Variants in LAMA3 observed in about 807,000 individuals in gnomAD.
The protein encoded by LAMA3 is laminin subunit alpha 3.
In LAMA3, 281 loss-of-function variants were observed where a neutral mutation model predicts 402.0. The ratio of observed to expected loss-of-function variants is 0.70; its 90% CI spans 0.63 to 0.77. The LOEUF is 0.77. LAMA3 is among the 30% of genes least tolerant of loss of function. The pLI, the probability that LAMA3 is intolerant of heterozygous loss-of-function variation, is 0.00. For synonymous variants in LAMA3, 1,431 were observed against 1,558.4 expected, an observed-to-expected ratio of 0.92 and a Z score of 1.93; for missense variants, 3,840 against 4,215.5, an observed-to-expected ratio of 0.91 and a Z score of 2.47.
At chr18:23,840,648 G>C (rs1462336761) in intron 27 of LAMA3, among the ~76,000 whole-genome samples, 1 of 151,924 alleles carries the variant, frequency 6.6e-6, no homozygotes, top group African/African-American at 2.4e-5. Flanking sequence ...CACCTTGCAG[G>C]TAGGAAATTA....
chr18:23,914,604 T>C, intron 57 of LAMA3, 43 bp downstream of exon 57: 1 of 1,611,758 alleles, frequency 6.2e-7, no homozygotes, highest in South Asian at 1.1e-5. Flanking sequence ...CAAACTTCCA[T>C]GTATACATGT....
intron 23 of LAMA3, among the ~76,000 whole-genome samples, chr18:23,832,371 T>C (rs985166108): frequency 6.6e-6 from 1 of 152,048 alleles, no homozygotes; most frequent in Non-Finnish European, 1.5e-5. Context: ...GAAATCTTTC[T>C]GTCATTTAAG....
In LAMA3 at chr18:23,690,085, G is replaced by A. The variant is rs556721212; in HGVS notation, c.294+108G>A. On this transcript the variant is annotated intron_variant, in intron 1 of 74. Coordinates refer to ENST00000313654, the MANE Select transcript of LAMA3 (RefSeq NM_198129.4). Reference sequence around the variant, plus strand: ...TTCCTCACGCGCGCTAGTGGCTCCGGGCGACTGGGAAGGGCAGCCCCCATC... The same window carrying A: ...TTCCTCACGCGCGCTAGTGGCTCCGAGCGACTGGGAAGGGCAGCCCCCATC... 3.8e-5 allele frequency: 35 copies of A among 912,948 alleles called. No homozygotes were observed. In the African/African-American group the frequency reaches 4.6e-4, roughly 12 times the overall value. 56.6% of individuals were successfully genotyped at this position (912,948 alleles called of 1,614,324 possible). A position where few individuals can be genotyped will look rare whatever the true frequency, so the allele number is the denominator to read the frequency against.
At position 23,904,638 on chromosome 18, in the gene LAMA3, A is replaced by G. The variant is rs1395025718; in HGVS notation, c.6559A>G (p.Lys2187Glu). Residue 2187 changes from lysine (K) to glutamate (E), a missense_variant, in exon 51 of 75, where the codon AAA becomes GAA. Coordinates refer to ENST00000313654, the MANE Select transcript of LAMA3 (RefSeq NM_198129.4). The part of the protein sequence containing the change: ...TAYENILNAI[K>E]AAEDAANRAA... ...CTACGAGAACATCCTCAATGCCATC[A>G]AAGCGGCCGAGGACGCAGCCAACAG... 1.2e-6 allele frequency: 2 copies of G among 1,613,850 alleles called. No individual in the cohort carries two copies. Among genetic ancestry groups the G allele is most frequent in the Non-Finnish European group, 8.5e-7 (1 of 1,179,990 alleles).
Position 23,951,182 on chromosome 18 carries a change from C to T in LAMA3, c.9643-502C>T, listed in dbSNP as rs148105327. Among the ~76,000 whole-genome samples, 60 of 152,326 alleles carry T rather than the reference C, an allele frequency of 3.9e-4. No individual in the cohort carries two copies. In the East Asian group the frequency reaches 9.8e-3, roughly 25 times the overall value. ...GTGGGATTCTGCACAAAACAGACTG[C>T]GTGCCTGGCTCCCGATGCGTGCCCA... On this transcript the variant is annotated intron_variant, in intron 72 of 74. Coordinates refer to ENST00000313654, the MANE Select transcript of LAMA3 (RefSeq NM_198129.4).
At chr18:23,944,864 G>A (rs752672441) in intron 69 of LAMA3, among the ~76,000 whole-genome samples, 15 of 152,246 alleles carry the variant, frequency 9.9e-5, no homozygotes, top group Non-Finnish European at 2.1e-4. Context: ...GCCAGGCGCG[G>A]TGGCTCATGC....
At chr18:23,840,441 G>A (rs1252518157) in intron 27 of LAMA3, among the ~76,000 whole-genome samples, 1 of 143,906 alleles carries the variant, frequency 6.9e-6, no homozygotes, top group Non-Finnish European at 1.5e-5. Flanking sequence ...TGAGTGCAGT[G>A]GCATGATCAT....
chr18:23,737,525 G>T (rs2061495553), intron 2 of LAMA3, among the ~76,000 whole-genome samples: 1 of 152,208 alleles, frequency 6.6e-6, no homozygotes, highest in Admixed American at 6.5e-5. Flanking sequence ...TTTATGTGGG[G>T]GCATTTGGAA....
intron 68 of LAMA3, among the ~76,000 whole-genome samples, chr18:23,943,105 C>T (rs1007549112): frequency 6.6e-6 from 1 of 152,206 alleles, no homozygotes; most frequent in Non-Finnish European, 1.5e-5. Context: ...CCTACGACTT[C>T]CCTCTCCACG....
At chr18:23,693,048 A>G (rs1379074559) in intron 1 of LAMA3, among the ~76,000 whole-genome samples, 1 of 152,242 alleles carries the variant, frequency 6.6e-6, no homozygotes, top group African/African-American at 2.4e-5. Flanking sequence ...AAAGCAGTTA[A>G]AAACCAAAAA....
intron 54 of LAMA3, among the ~76,000 whole-genome samples, chr18:23,908,900 A>C (rs553632792): frequency 6.6e-6 from 1 of 152,356 alleles, no homozygotes; most frequent in East Asian, 1.9e-4. Context: ...CACCCAATTC[A>C]AAACTTATGA....
intron 69 of LAMA3, among the ~76,000 whole-genome samples, chr18:23,945,760 G>A (rs2082687330): frequency 1.3e-5 from 2 of 152,084 alleles, no homozygotes; most frequent in Admixed American, 6.5e-5. Context: ...AGGGTGCCAC[G>A]ACTCCAACAC....
In LAMA3 at chr18:23,858,774, G is replaced by A; in HGVS notation, c.4367G>A (p.Cys1456Tyr). 8.1e-6 allele frequency: 13 copies of A among 1,614,170 alleles called. No homozygotes were observed. Among genetic ancestry groups the A allele is most frequent in the Non-Finnish European group, 1.1e-5 (13 of 1,179,992 alleles). ...DPANLKGCTS[C>Y]FCFGVNNQCH... ...GCCAATCTCAAGGGTTGTACCAGCT[G>A]TTTCTGTTTTGGAGTAAATAATCAA... The change falls in exon 34 of 75, where the codon TGT (cysteine) becomes TAT (tyrosine). Residue 1456 changes from cysteine to tyrosine, a missense_variant. Physicochemically the swap from Cys to Tyr is radical, Grantham distance 194. This residue lies in a region of LAMA3 where 2,109 missense variants were observed against 2,376.0 expected (regional missense o/e 0.89). Transcript: ENST00000313654.
chr18:23,847,322 A>T, intron 31 of LAMA3, 142 bp from the exon 32 acceptor site: 1 of 870,758 alleles, frequency 1.1e-6, no homozygotes, highest in Non-Finnish European at 1.8e-6. Flanking sequence ...GTTGGTCTTG[A>T]CTCCAAGAAA....
At chr18:23,939,170 T>C in intron 67 of LAMA3, 53 bp from the exon 68 acceptor site, 2 of 1,563,692 alleles carry the variant, frequency 1.3e-6, no homozygotes, top group Non-Finnish European at 1.8e-6. Context: ...CTTAGCAAGA[T>C]AAGCATTCTT....
chr18:23,908,027 T>A (rs2081307573), intron 54 of LAMA3, 92 bp downstream of exon 54: 1 of 1,250,946 alleles, frequency 8.0e-7, no homozygotes, highest in Admixed American at 1.7e-5. Flanking sequence ...TAAAGTCTGA[T>A]CTCAGAAACT....
intron 2 of LAMA3, among the ~76,000 whole-genome samples, chr18:23,716,609 G>A (rs1228255725): frequency 6.6e-6 from 1 of 151,862 alleles, no homozygotes; most frequent in Non-Finnish European, 1.5e-5. Context: ...TCCTTTTGAT[G>A]TACTGAAAAA....
In LAMA3 at chr18:23,950,049, C is replaced by T. The variant is rs751018019; in HGVS notation, c.9532C>T (p.Pro3178Ser). Residue 3178 changes from proline to serine, a missense_variant, in exon 72 of 75, where the codon CCA (proline) becomes TCA (serine). Coordinates refer to ENST00000313654, the MANE Select transcript of LAMA3 (RefSeq NM_198129.4). ...VVLAHSVLLG[P>S]EFKLVFSIRP... ...GAAAGCTCACTCTGTATTGTTGGGG[C>T]CAGAATTTAAGCTTGTTTTCAGCAT... is the stretch of plus-strand genomic sequence containing the variant. 12 of 1,613,974 alleles carry T rather than the reference C, an allele frequency of 7.4e-6. No individual in the cohort carries two copies. The highest frequency in any genetic ancestry group is 1.0e-5 in the Non-Finnish European group (12 of 1,180,022).
At position 23,871,507 on chromosome 18, in the gene LAMA3, A is replaced by T; in HGVS notation, c.4844A>T (p.Asp1615Val). The change falls in exon 38 of 75, where the codon GAT becomes GTT. Residue 1615 changes from aspartate to valine, a missense_variant. By Grantham distance (152) the Asp-to-Val change is radical. Coordinates refer to ENST00000313654, the MANE Select transcript of LAMA3 (RefSeq NM_198129.4). ...ELMTVLSRLA[D>V]VRIQGLYFTE... ...ATGACAGTGCTGTCTAGACTGGCAG[A>T]TGTGCGCATCCAAGGCCTCTACTTC... 1 of 1,614,186 alleles carries T rather than the reference A, an allele frequency of 6.2e-7. No individual in the cohort carries two copies. The highest frequency in any genetic ancestry group is 1.1e-5 in the South Asian group (1 of 91,082).
Sources: allele counts gnomAD v4.1 joint callset (sites outside exome capture counted in the v4.1 genomes callset), GRCh38; gene constraint gnomAD v4.1.1; regional missense constraint gnomAD v4.1.1; transcripts MANE v1.5; gene names NCBI Gene and HGNC (gene_info 2026-07-23, HGNC 2026-07-21).